The following ST8SIA5 variants were observed in gnomAD, a reference collection of about 807,000 sequenced individuals.
ST8SIA5 encodes the protein ST8 alpha-N-acetyl-neuraminide alpha-2,8-sialyltransferase 5.
Under a neutral mutation model 40.2 loss-of-function variants are expected in ST8SIA5, and 24 were observed. That is an observed-to-expected ratio of 0.60 (90% confidence interval 0.43 to 0.84). The LOEUF (loss-of-function observed/expected upper bound fraction) is 0.84. Ranked by LOEUF, ST8SIA5 falls within the 40% of genes least tolerant of loss-of-function variation. ST8SIA5 has a pLI of 0.00. For missense variants in ST8SIA5, 465 were observed against 498.5 expected, an observed-to-expected ratio of 0.93 and a Z score of 0.64; for synonymous variants, 198 against 201.8, an observed-to-expected ratio of 0.98 and a Z score of 0.16.
At chr18:46,738,786 C>T (rs534795884) in intron 1 of ST8SIA5, among the ~76,000 whole-genome samples, 18 of 152,172 alleles carry the variant, frequency 1.2e-4, no homozygotes, top group African/African-American at 3.6e-4. Flanking sequence ...TCCCCTGGGT[C>T]GGGGGAGAGT....
At chr18:46,705,724 T>A (rs561166779) in intron 1 of ST8SIA5, among the ~76,000 whole-genome samples, 3 of 152,012 alleles carry the variant, frequency 2.0e-5, no homozygotes, top group African/African-American at 7.2e-5. Context: ...GCTTGGAGGG[T>A]TGGATCCCAG....
At chr18:46,753,226 C>T (rs1396743090) in intron 1 of ST8SIA5, among the ~76,000 whole-genome samples, 2 of 152,168 alleles carry the variant, frequency 1.3e-5, no homozygotes, top group African/African-American at 4.8e-5. Flanking sequence ...TTATTGAGAA[C>T]ATCTTATGTG....
At chr18:46,726,254 C>T (rs1342020956) in intron 1 of ST8SIA5, among the ~76,000 whole-genome samples, 1 of 151,410 alleles carries the variant, frequency 6.6e-6, no homozygotes, top group Non-Finnish European at 1.5e-5. Flanking sequence ...ACATTTTATT[C>T]ACTCATTCAT....
At chr18:46,708,637 C>T (rs1315428267) in intron 1 of ST8SIA5, among the ~76,000 whole-genome samples, 3 of 152,158 alleles carry the variant, frequency 2.0e-5, no homozygotes, top group Non-Finnish European at 4.4e-5. Flanking sequence ...TAGGGATAAC[C>T]CCTATGCCCC....
intron 1 of ST8SIA5, among the ~76,000 whole-genome samples, chr18:46,755,956 G>T (rs867389898): frequency 6.6e-6 from 1 of 151,052 alleles, no homozygotes; most frequent in African/African-American, 2.5e-5. Context: ...TTCAGGACTC[G>T]CGAGGTTATA....
chr18:46,721,232 G>T, intron 1 of ST8SIA5: 1 of 772,032 alleles, frequency 1.3e-6, no homozygotes, highest in Non-Finnish European at 2.1e-6. Flanking sequence ...ATACCAAAGT[G>T]CAGGGAGTTT....
intron 1 of ST8SIA5, among the ~76,000 whole-genome samples, chr18:46,751,933 G>A (rs2040199372): frequency 6.6e-6 from 1 of 152,038 alleles, no homozygotes; most frequent in African/African-American, 2.4e-5. Flanking sequence ...GCAGTTCTGG[G>A]TAGCTCCACG....
intron 1 of ST8SIA5, among the ~76,000 whole-genome samples, chr18:46,754,834 A>G (rs1341228944): frequency 6.6e-6 from 1 of 152,190 alleles, no homozygotes; most frequent in East Asian, 1.9e-4. Flanking sequence ...GGGGGCAGGA[A>G]CCCAGAGCTG....
At chr18:46,732,675 G>A (rs1252754310) in intron 1 of ST8SIA5, among the ~76,000 whole-genome samples, 4 of 152,148 alleles carry the variant, frequency 2.6e-5, no homozygotes, top group Non-Finnish European at 4.4e-5. Flanking sequence ...ATTCACAAAC[G>A]TTGCTATTTA....
chr18:46,732,982 T>A (rs1599143149), intron 1 of ST8SIA5, among the ~76,000 whole-genome samples: 1 of 152,072 alleles, frequency 6.6e-6, no homozygotes, highest in African/African-American at 2.4e-5. Context: ...TCACAAGGGA[T>A]AGCAGGACCT....
rs568391612 is a variant in ST8SIA5 at position 46,706,106 on chromosome 18, T to C, written c.132-1442A>G. 2.0e-5 allele frequency among the ~76,000 whole-genome samples: 3 copies of C among 152,096 alleles called. No individual in the cohort carries two copies. The East Asian group carries it at 5.8e-4, about 29-fold the overall frequency. On this transcript the variant is annotated intron_variant, in intron 1 of 6. Coordinates refer to ENST00000315087, the MANE Select transcript of ST8SIA5 (RefSeq NM_013305.6). ...ACTTTAAAAGTTATGTTTATAAATA[T>C]TTGTCCTTAATAATTTTAATATAGT...
intron 1 of ST8SIA5, among the ~76,000 whole-genome samples, chr18:46,712,914 T>TAG (rs2039747588): frequency 6.6e-6 from 1 of 152,120 alleles, no homozygotes; most frequent in Non-Finnish European, 1.5e-5. Context: ...GGGACATGAA[T>TAG]AGAGGCATGG....
intron 3 of ST8SIA5, among the ~76,000 whole-genome samples, chr18:46,689,762 G>C (rs947811079): frequency 4.6e-5 from 6 of 130,850 alleles, no homozygotes; most frequent in Non-Finnish European, 9.7e-5. Flanking sequence ...TTTTTTTTTA[G>C]TAGAGTCAAG....
chr18:46,750,524 A>G (rs1161805299), intron 1 of ST8SIA5, among the ~76,000 whole-genome samples: 1 of 151,582 alleles, frequency 6.6e-6, no homozygotes, highest in Non-Finnish European at 1.5e-5. Flanking sequence ...GTCTTTCCCC[A>G]CTCACTCCCT....
chr18:46,734,591 G>A (rs2040016639), intron 1 of ST8SIA5, among the ~76,000 whole-genome samples: 1 of 152,180 alleles, frequency 6.6e-6, no homozygotes, highest in Non-Finnish European at 1.5e-5. Context: ...GAAAATGGTG[G>A]AGGTAGGGTT....
intron 1 of ST8SIA5, 136 bp downstream of exon 1, chr18:46,756,242 G>C: frequency 7.9e-7 from 1 of 1,264,612 alleles, no homozygotes; most frequent in Non-Finnish European, 1.1e-6. Flanking sequence ...AAGCCTAAGC[G>C]GCCATGCTCG....
chr18:46,713,587 G>A (rs2039755424), intron 1 of ST8SIA5, among the ~76,000 whole-genome samples: 1 of 152,146 alleles, frequency 6.6e-6, no homozygotes, highest in Non-Finnish European at 1.5e-5. Flanking sequence ...ACATTCAGAT[G>A]GCAGCAAATG....
intron 1 of ST8SIA5, among the ~76,000 whole-genome samples, chr18:46,722,529 G>A (rs1008942799): frequency 5.3e-5 from 8 of 152,294 alleles, no homozygotes; most frequent in South Asian, 2.1e-4. Flanking sequence ...AAACTGATCC[G>A]CTCAAAAGAA....
chr18:46,731,724 T>C (rs561213412), intron 1 of ST8SIA5: 1 of 152,280 alleles, frequency 6.6e-6, no homozygotes, highest in African/African-American at 2.4e-5. Flanking sequence ...GCCCTGCTCA[T>C]CCTATGACCA....
Sources: gnomAD v4.1 joint callset for allele counts (sites outside exome capture counted in the v4.1 genomes callset) on GRCh38, gnomAD v4.1.1 for gene constraint, MANE v1.5 for transcripts, NCBI Gene and HGNC (gene_info 2026-07-23, HGNC 2026-07-21) for gene names.